Variants in FGF9 observed in about 807,000 individuals in gnomAD.
FGF9 encodes fibroblast growth factor 9.
A neutral mutation model predicts 19.9 loss-of-function variants in FGF9; 3 were observed. That is an observed-to-expected ratio of 0.15 (90% confidence interval 0.07 to 0.39). The LOEUF is 0.39. FGF9 is among the 10% of genes least tolerant of loss of function. The probability of loss-of-function intolerance (pLI) is 1.00; values close to 1 mark genes in which losing one functional copy is unlikely to be tolerated. For missense variants in FGF9, 175 were observed against 256.8 expected, an observed-to-expected ratio of 0.68 and a Z score of 2.18; for synonymous variants, 107 against 106.9, an observed-to-expected ratio of 1.00 and a Z score of -0.01.
chr13:21,680,256 T>A (rs1035490906), intron 1 of FGF9, among the ~76,000 whole-genome samples: 2 of 152,206 alleles, frequency 1.3e-5, no homozygotes, highest in Admixed American at 6.5e-5. Context: ...TCTTTGAGGT[T>A]TAGATAAGTA....
intron 2 of FGF9, among the ~76,000 whole-genome samples, chr13:21,685,995 G>A (rs965229719): frequency 6.6e-6 from 1 of 152,166 alleles, no homozygotes; most frequent in Non-Finnish European, 1.5e-5. Context: ...AGAAAGTTTA[G>A]AGGCATGGCT....
At chr13:21,687,210 G>GCTTT (rs1262579988) in intron 2 of FGF9, among the ~76,000 whole-genome samples, 2 of 152,194 alleles carry the variant, frequency 1.3e-5, no homozygotes, top group African/African-American at 4.8e-5. Context: ...ATGAGTCAAA[G>GCTTT]AAGTTTCTTG....
In FGF9 at chr13:21,678,215, C is replaced by T. The variant is rs1045654576; in HGVS notation, c.278-2827C>T. Among the ~76,000 whole-genome samples, 4 of 152,046 alleles carry T rather than the reference C, an allele frequency of 2.6e-5. 1 individual carries two copies. Among genetic ancestry groups the T allele is most frequent in the Admixed American group, 2.0e-4 (3 of 15,282 alleles). On this transcript the variant is annotated intron_variant, in intron 1 of 2. Transcript: ENST00000382353. ...GTCTTGTCAATGCCAGAAAAAGAAACGAGATAGATATCTTGATATCTTCAT... is the reference window on the plus strand; with the variant it reads ...GTCTTGTCAATGCCAGAAAAAGAAATGAGATAGATATCTTGATATCTTCAT...
At chr13:21,688,182 G>A (rs1280980005) in intron 2 of FGF9, among the ~76,000 whole-genome samples, 1 of 152,188 alleles carries the variant, frequency 6.6e-6, no homozygotes, top group Admixed American at 6.5e-5. Flanking sequence ...ACACCACATG[G>A]CAAGGACCAC....
intron 2 of FGF9, among the ~76,000 whole-genome samples, chr13:21,688,124 A>C (rs1872203025): frequency 6.6e-6 from 1 of 152,208 alleles, no homozygotes; most frequent in South Asian, 2.1e-4. Flanking sequence ...ATTTGGAGCC[A>C]CTTTTGAACA....
intron 2 of FGF9, among the ~76,000 whole-genome samples, chr13:21,689,593 A>T (rs1267638390): frequency 6.6e-6 from 1 of 152,094 alleles, no homozygotes; most frequent in Non-Finnish European, 1.5e-5. Context: ...TTTTGATAAA[A>T]AGTGTTAGGG....
chr13:21,694,406 C>T (rs1320684102), intron 2 of FGF9, among the ~76,000 whole-genome samples: 1 of 152,116 alleles, frequency 6.6e-6, no homozygotes, highest in Non-Finnish European at 1.5e-5. Context: ...CCATGATTAT[C>T]ATGGGAACAA....
chr13:21,680,747 ATTAC>A (rs1276409100), intron 1 of FGF9, among the ~76,000 whole-genome samples: 7 of 152,274 alleles, frequency 4.6e-5, no homozygotes, highest in East Asian at 3.9e-4. Context: ...TTTCTGTCCT[ATTAC>A]TTCTTAGCAT....
chr13:21,686,170 C>T (rs1872151790), intron 2 of FGF9, among the ~76,000 whole-genome samples: 1 of 152,172 alleles, frequency 6.6e-6, no homozygotes. Flanking sequence ...GCGGGGATTA[C>T]AGTGCGTGCC....
chr13:21,678,449 G>A (rs1465931947), intron 1 of FGF9, among the ~76,000 whole-genome samples: 6 of 152,186 alleles, frequency 3.9e-5, no homozygotes, highest in Non-Finnish European at 7.3e-5. Flanking sequence ...ATATTGTAAT[G>A]CCTAGAGTTG....
chr13:21,689,769 T>C (rs1872245226), intron 2 of FGF9, among the ~76,000 whole-genome samples: 1 of 152,190 alleles, frequency 6.6e-6, no homozygotes, highest in Non-Finnish European at 1.5e-5. Context: ...TGACTCCTGC[T>C]TCCCCTCATC....
intron 2 of FGF9, among the ~76,000 whole-genome samples, chr13:21,683,662 A>G (rs560296023): frequency 2.0e-5 from 3 of 152,368 alleles, no homozygotes; most frequent in South Asian, 4.1e-4. Context: ...AGAAGCACAC[A>G]TCTTCTCTCG....
intron 1 of FGF9, among the ~76,000 whole-genome samples, chr13:21,678,669 C>T (rs1871970257): frequency 1.3e-5 from 2 of 152,180 alleles, no homozygotes; most frequent in Non-Finnish European, 2.9e-5. Context: ...TATTAGTCCT[C>T]AGCTACTCCG....
rs1439147125 is a variant in FGF9 at position 21,671,872 on chromosome 13, C to A, written c.-41C>A. ...CTAATATCTCCTGGGTTGACACCAT[C>A]ATTATTGTTTATTCTTGTGCTCCAA... On this transcript the variant is annotated 5_prime_UTR_variant, in exon 1 of 3. Transcript: ENST00000382353. The A allele has an allele frequency of 3.1e-6, 5 of 1,612,776 alleles. No individual in the cohort carries two copies. The Admixed American group carries it at 5.0e-5, about 16-fold the overall frequency.
chr13:21,697,252 G>T (rs566862464), intron 2 of FGF9, among the ~76,000 whole-genome samples: 1 of 152,270 alleles, frequency 6.6e-6, no homozygotes, highest in African/African-American at 2.4e-5. Flanking sequence ...CGACTCAAGT[G>T]ACCTTCCTGC....
chr13:21,673,943 C>T (rs912564404), intron 1 of FGF9: 2 of 152,228 alleles, frequency 1.3e-5, no homozygotes, highest in Non-Finnish European at 2.9e-5. Context: ...CCCTTTCCGC[C>T]TGGCTCGGGT....
intron 2 of FGF9, among the ~76,000 whole-genome samples, chr13:21,682,699 T>TG (rs1196649330): frequency 6.6e-6 from 1 of 151,264 alleles, no homozygotes; most frequent in African/African-American, 2.4e-5. Flanking sequence ...CTTCAGTTTT[T>TG]TTTTTTTTTT....
At chr13:21,676,397 T>G (rs1055826403) in intron 1 of FGF9, among the ~76,000 whole-genome samples, 3 of 152,330 alleles carry the variant, frequency 2.0e-5, no homozygotes, top group Middle Eastern at 3.4e-3. Context: ...TTTTGAACTT[T>G]AATTCTGTTC....
At chr13:21,699,976 C>T (rs1266033933) in intron 2 of FGF9, among the ~76,000 whole-genome samples, 2 of 151,846 alleles carry the variant, frequency 1.3e-5, no homozygotes, top group Admixed American at 6.6e-5. Context: ...CTTCAATGCA[C>T]ACATTTTTGC....
Sources: allele counts gnomAD v4.1 joint callset (sites outside exome capture counted in the v4.1 genomes callset), GRCh38; gene constraint gnomAD v4.1.1; transcripts MANE v1.5; gene names NCBI Gene and HGNC (gene_info 2026-07-23, HGNC 2026-07-21).